ZNF287: variants seen among roughly 807,000 people sequenced by gnomAD.
ZNF287 encodes the protein zinc finger protein with KRAB and SCAN domains 13.
ZNF287 carries 31 observed loss-of-function variants against 73.7 expected under a neutral mutation model. That is an observed-to-expected ratio of 0.42 (90% CI 0.32 to 0.57). The LOEUF (loss-of-function observed/expected upper bound fraction) is 0.57, where lower values mean the gene tolerates loss of function less well. ZNF287 is among the 20% of genes least tolerant of loss of function. The pLI is 0.13. For missense variants in ZNF287, 641 were observed against 909.3 expected (o/e 0.70, Z 3.79); for synonymous variants, 301 against 307.2 (o/e 0.98, Z 0.21).
intron 3 of ZNF287, among the ~76,000 whole-genome samples, chr17:16,564,374 AT>A (rs928437930): frequency 3.8e-4 from 57 of 151,272 alleles, no homozygotes; most frequent in African/African-American, 1.3e-3. Flanking sequence ...CTAATTTTTA[AT>A]TTTTTTTTGT....
rs1907549248 is a variant in ZNF287, at chr17:16,563,217, C to G, written c.644G>C (p.Arg215Thr). 1 of 1,611,712 alleles carries G rather than the reference C, an allele frequency of 6.2e-7. No individual in the cohort carries two copies. The highest frequency in any genetic ancestry group is 8.5e-7 in the Non-Finnish European group (1 of 1,179,106). The change falls in exon 5 of 6, where the codon AGA becomes ACA. Residue 215 changes from arginine (R) to threonine (T), a missense_variant. Physicochemically the swap from Arg to Thr is moderately conservative, Grantham distance 71. Around this residue, in one of 2 missense-constraint regions of ZNF287, gnomAD observed 357 missense variants for 442.4 expected, o/e 0.81. Coordinates refer to ENST00000395825, the MANE Select transcript of ZNF287 (RefSeq NM_020653.4). ...NMVSLGLTVY[R>T]PTVIPILEEP... is the part of the protein sequence containing the mutation. ...TTCCAATATGGGAATCACAGTTGGT[C>G]TGTACACTGTAAGTCCTGTTCAGGA...
intron 5 of ZNF287, among the ~76,000 whole-genome samples, chr17:16,553,730 G>A (rs902902128): frequency 2.0e-4 from 30 of 152,296 alleles, no homozygotes; most frequent in African/African-American, 6.7e-4. Context: ...ACTTGGGATG[G>A]CCTCATGGAT....
intron 5 of ZNF287, among the ~76,000 whole-genome samples, chr17:16,561,779 T>C (rs923498463): frequency 6.6e-6 from 1 of 152,162 alleles, no homozygotes; most frequent in African/African-American, 2.4e-5. Flanking sequence ...GGACTAAAGA[T>C]AGGAGACATG....
chr17:16,557,092 C>T (rs1021824261), intron 5 of ZNF287, among the ~76,000 whole-genome samples: 5 of 151,996 alleles, frequency 3.3e-5, no homozygotes, highest in South Asian at 2.1e-4. Context: ...GGTGATCGCC[C>T]GCCTCAGCCT....
chr17:16,567,624 G>T lies in ZNF287; in HGVS notation c.108C>A (p.Ile36=), dbSNP rs1159226164. The T allele has an allele frequency of 4.3e-6, 7 of 1,614,050 alleles. No homozygotes were observed. The highest frequency in any genetic ancestry group is 5.1e-6 in the Non-Finnish European group (6 of 1,180,042). ...TGTCACGCAAGAATCTTGAAGTAAG[G>T]ATTTCCTTCTCAACATTGTAGGGTC... is the stretch of plus-strand genomic sequence containing the variant. ...QSGPYNVEKE[I]LTSRFLRDTE... is the part of the protein sequence containing the mutation. Residue 36 remains isoleucine, a synonymous_variant, in exon 2 of 6, where the codon ATC becomes ATA. Coordinates refer to ENST00000395825, the MANE Select transcript of ZNF287 (RefSeq NM_020653.4).
In ZNF287 at chr17:16,566,705, T is replaced by C. The variant is rs1288857849; in HGVS notation, c.404-83A>G. Reference sequence around the variant, plus strand: ...CCCCTCACCAAATAGATGCCTACACTTTCTTAAATCGAGAAGTAAGAAGGA... The same window carrying C: ...CCCCTCACCAAATAGATGCCTACACCTTCTTAAATCGAGAAGTAAGAAGGA... On this transcript the variant is annotated intron_variant, in intron 2 of 5. Transcript: ENST00000395825. 7.8e-6 allele frequency: 7 copies of C among 898,952 alleles called. No individual in the cohort carries two copies. The South Asian group carries it at 1.1e-4, about 15-fold the overall frequency. 55.7% of individuals were successfully genotyped at this position (898,952 alleles called of 1,614,324 possible).
At chr17:16,567,968 G>T (rs541522644) in intron 1 of ZNF287, 39 bp from the exon 2 acceptor site, 2 of 1,383,988 alleles carry the variant, frequency 1.4e-6, no homozygotes, top group African/African-American at 2.9e-5. Context: ...AAGAATCCCT[G>T]GTGTACTCTA....
chr17:16,566,017 TA>T (rs1907722706), intron 3 of ZNF287, among the ~76,000 whole-genome samples: 11 of 152,136 alleles, frequency 7.2e-5, no homozygotes, highest in African/African-American at 2.7e-4. Flanking sequence ...TGACCAACAG[TA>T]ATATGACAGA....
chr17:16,568,956 C>G lies in ZNF287; in HGVS notation c.-203G>C, dbSNP rs894968674. 3 of 152,464 alleles carry G rather than the reference C, an allele frequency of 2.0e-5. 1 individual carries two copies. In the South Asian group the frequency reaches 6.2e-4, roughly 32 times the overall value. The allele number at this position is 152,464 out of a possible 1,614,324, so 9.4% of individuals were successfully genotyped here. A position where few individuals can be genotyped will look rare whatever the true frequency, so the allele number is the denominator to read the frequency against. On this transcript the variant is annotated 5_prime_UTR_variant, in exon 1 of 6. Transcript: ENST00000395825. The stretch of plus-strand genomic sequence containing the variant: ...GCTGCGCCCGGACATCAATACCTGT[C>G]GCTGGGACCCGGCCGACGGGCAGCC...
chr17:16,559,110 A>G lies in ZNF287; in HGVS notation c.715+4036T>C, dbSNP rs944991104. 11 of 152,164 alleles carry G rather than the reference A, an allele frequency of 7.2e-5. No homozygotes were observed. The East Asian group carries it at 1.3e-3, about 19-fold the overall frequency. The allele number at this position is 152,164 out of a possible 1,614,324, so 9.4% of individuals were successfully genotyped here. Reference sequence around the variant, plus strand: ...ATATATTAATAATTTATTTTTGCAAAGAGAAACATGGGAAGGATACATCAG... The same window carrying G: ...ATATATTAATAATTTATTTTTGCAAGGAGAAACATGGGAAGGATACATCAG... On this transcript the variant is annotated intron_variant, in intron 5 of 5. Coordinates refer to ENST00000395825, the MANE Select transcript of ZNF287 (RefSeq NM_020653.4).
At chr17:16,560,265 T>C (rs114996201) in intron 5 of ZNF287, among the ~76,000 whole-genome samples, 11,060 of 147,600 alleles carry the variant, frequency 0.075, 1,383 homozygotes, top group African/African-American at 0.26. Flanking sequence ...CCTGGCCGAC[T>C]AATAATATAT....
At chr17:16,568,454 G>T (rs901850948) in intron 1 of ZNF287, among the ~76,000 whole-genome samples, 2 of 152,168 alleles carry the variant, frequency 1.3e-5, no homozygotes, top group African/African-American at 4.8e-5. Flanking sequence ...AAGACCAGCG[G>T]GTTGGACTGG....
intron 3 of ZNF287, 74 bp from the exon 4 acceptor site, chr17:16,563,899 G>T: frequency 6.6e-7 from 1 of 1,524,450 alleles, no homozygotes; most frequent in Non-Finnish European, 8.9e-7. Flanking sequence ...CTGGGTATAT[G>T]TATGGTGGGG....
intron 5 of ZNF287, among the ~76,000 whole-genome samples, chr17:16,559,735 C>CTAAGGTGAGCA (rs1457291137): frequency 6.6e-6 from 1 of 152,156 alleles, no homozygotes; most frequent in African/African-American, 2.4e-5. Flanking sequence ...AATCCCAAGT[C>CTAAGGTGAGCA]TAAGGTGAGC....
Position 16,563,149 on chromosome 17 carries a change from G to A in ZNF287, c.712C>T (p.Pro238Ser), listed in dbSNP as rs773648732. The A allele has an allele frequency of 6.2e-6, 10 of 1,610,980 alleles. No homozygotes were observed. The highest frequency in any genetic ancestry group is 8.5e-6 in the Non-Finnish European group (10 of 1,177,614). The change falls in exon 5 of 6, where the codon CCA (proline) becomes TCA (serine). Residue 238 changes from proline to serine, a missense_variant. Coordinates refer to ENST00000395825, the MANE Select transcript of ZNF287 (RefSeq NM_020653.4). ...TCATGCGCTTTTTGTTTCTCACCTG[G>A]ACTAGGGCCTTCTAAAATTTCTTTT... ...VIKEILEGPS[P>S]EWETKAQACT...
In ZNF287 at chr17:16,552,743, G is replaced by C. The variant is rs758318549; in HGVS notation, c.1399C>G (p.Leu467Val). The change falls in exon 6 of 6, where the codon CTT becomes GTT. Residue 467 changes from leucine to valine, a missense_variant. Physicochemically the swap from Leu to Val is conservative, Grantham distance 32. Coordinates refer to ENST00000395825, the MANE Select transcript of ZNF287 (RefSeq NM_020653.4). This position sits in a 1 kb window ranked among gnomAD's most constrained non-coding sequence, Gnocchi z 6.5. ...CGKDFSQRAH[L>V]TIHQRTHTGE... ...GTATGTGTCCTTTGATGGATGGTAA[G>C]GTGTGCACGCTGACTGAAGTCTTTC... 2 of 1,614,110 alleles carry C rather than the reference G, an allele frequency of 1.2e-6. No homozygotes were observed. Among genetic ancestry groups the C allele is most frequent in the Non-Finnish European group, 1.7e-6 (2 of 1,180,010 alleles).
At chr17:16,566,701 A>G in intron 2 of ZNF287, 79 bp from the exon 3 acceptor site, 1 of 934,128 alleles carries the variant, frequency 1.1e-6, no homozygotes, top group Non-Finnish European at 1.6e-6. Flanking sequence ...ATAGATGCCT[A>G]CACTTTCTTA....
chr17:16,563,565 A>G (rs1163178537), intron 4 of ZNF287, 134 bp downstream of exon 4: 2 of 1,065,796 alleles, frequency 1.9e-6, no homozygotes, highest in Non-Finnish European at 2.7e-6. Context: ...AACGGGAGTA[A>G]AACAGTCACT....
rs754025635 is a variant in ZNF287, at chr17:16,553,391, C to T, written c.751G>A (p.Glu251Lys). 8 of 1,585,904 alleles carry T rather than the reference C, an allele frequency of 5.0e-6. No homozygotes were observed. The highest frequency in any genetic ancestry group is 6.8e-6 in the Non-Finnish European group (8 of 1,168,858). The change falls in exon 6 of 6, where the codon GAG becomes AAG. Residue 251 changes from glutamate (E) to lysine (K), a missense_variant. Physicochemically the swap from Glu to Lys is moderately conservative, Grantham distance 56. Transcript: ENST00000395825. ...ETKAQACTPV[E>K]DMSKLTKEET... ...TCCTTTGTGAGTTTAGACATATCCT[C>T]CACTGGAGTACATGCTTGGGCTTTA... is the stretch of plus-strand genomic sequence containing the variant.
Sources: gnomAD v4.1 joint callset for allele counts (sites outside exome capture counted in the v4.1 genomes callset) on GRCh38, gnomAD v4.1.1 for gene constraint, gnomAD v4.1.1 regional missense constraint, Gnocchi (gnomAD v3.1) non-coding constraint, MANE v1.5 for transcripts, NCBI Gene and HGNC (gene_info 2026-07-23, HGNC 2026-07-21) for gene names.